ELOVL6: variants seen among roughly 807,000 people sequenced by gnomAD.
The protein encoded by ELOVL6 is very long chain fatty acid elongase 6.
Under a neutral mutation model 31.7 loss-of-function variants are expected in ELOVL6, and 8 were observed. The observed-to-expected ratio is 0.25, with a 90% CI of 0.15 to 0.45. The LOEUF (loss-of-function observed/expected upper bound fraction) is 0.45. Among genes scored for constraint, ELOVL6 ranks in the 20% least tolerant of loss-of-function variants. The pLI is 1.00. For missense variants in ELOVL6, 126 were observed against 326.4 expected, an observed-to-expected ratio of 0.39 and a Z score of 4.73; for synonymous variants, 101 against 117.7, an observed-to-expected ratio of 0.86 and a Z score of 0.92.
At chr4:110,170,127 T>A (rs184187340) in intron 1 of ELOVL6, among the ~76,000 whole-genome samples, 8 of 152,264 alleles carry the variant, frequency 5.3e-5, no homozygotes, top group Non-Finnish European at 8.8e-5. Context: ...TATTTTGTTT[T>A]CTATATTTAT....
chr4:110,135,708 G>C (rs1348313721), intron 1 of ELOVL6, among the ~76,000 whole-genome samples: 1 of 152,144 alleles, frequency 6.6e-6, no homozygotes, highest in Non-Finnish European at 1.5e-5. Context: ...CCACAATTAA[G>C]GCTGCCTAGG....
intron 1 of ELOVL6, among the ~76,000 whole-genome samples, chr4:110,128,334 T>C (rs72679235): frequency 0.086 from 13,113 of 152,256 alleles, 745 homozygotes; most frequent in Middle Eastern, 0.12. Flanking sequence ...ATGAGGACTC[T>C]TATAGGCCAT....
At chr4:110,108,522 C>T (rs1010912769) in intron 1 of ELOVL6, among the ~76,000 whole-genome samples, 1 of 152,192 alleles carries the variant, frequency 6.6e-6, no homozygotes, top group Non-Finnish European at 1.5e-5. Context: ...AGCAATTCAA[C>T]AGCTAAGGCA....
intron 1 of ELOVL6, among the ~76,000 whole-genome samples, chr4:110,118,492 A>G (rs1250935700): frequency 6.6e-6 from 1 of 152,246 alleles, no homozygotes; most frequent in Non-Finnish European, 1.5e-5. Context: ...TAGATTTCAC[A>G]TATAAATGAA....
intron 1 of ELOVL6, among the ~76,000 whole-genome samples, chr4:110,169,224 T>C (rs1410319317): frequency 1.4e-5 from 2 of 144,264 alleles, no homozygotes; most frequent in East Asian, 4.3e-4. Flanking sequence ...CCCAACAGAG[T>C]TTTGGGGTTT....
At chr4:110,100,082 C>T (rs906787036) in intron 2 of ELOVL6, among the ~76,000 whole-genome samples, 1 of 152,102 alleles carries the variant, frequency 6.6e-6, no homozygotes, top group Non-Finnish European at 1.5e-5. Flanking sequence ...TACAGAAATG[C>T]CTGTCCTTGG....
intron 1 of ELOVL6, among the ~76,000 whole-genome samples, chr4:110,180,007 G>C (rs139276871): frequency 6.6e-6 from 1 of 152,190 alleles, no homozygotes; most frequent in Non-Finnish European, 1.5e-5. Context: ...ATGCTCTGTG[G>C]GGAAGAAATA....
chr4:110,190,658 C>T (rs1017712789), intron 1 of ELOVL6, among the ~76,000 whole-genome samples: 5 of 152,040 alleles, frequency 3.3e-5, no homozygotes, highest in African/African-American at 4.8e-5. Flanking sequence ...GCGCCCGCCA[C>T]CACGCCCGGC....
At chr4:110,180,308 T>C (rs1016414245) in intron 1 of ELOVL6, among the ~76,000 whole-genome samples, 1 of 152,220 alleles carries the variant, frequency 6.6e-6, no homozygotes, top group African/African-American at 2.4e-5. Context: ...AACTAAAGTT[T>C]AGAATTAACA....
intron 1 of ELOVL6, among the ~76,000 whole-genome samples, chr4:110,122,260 A>G (rs1325012756): frequency 6.6e-6 from 1 of 152,224 alleles, no homozygotes. Context: ...AATCTTCACT[A>G]TTAGCCAACT....
intron 1 of ELOVL6, among the ~76,000 whole-genome samples, chr4:110,112,627 C>T (rs535687982): frequency 3.3e-5 from 5 of 152,072 alleles, no homozygotes; most frequent in Admixed American, 6.5e-5. Context: ...AATCCCAACA[C>T]TTCGGGAGGC....
intron 1 of ELOVL6, among the ~76,000 whole-genome samples, chr4:110,165,653 C>G (rs1758754794): frequency 6.6e-6 from 1 of 152,214 alleles, no homozygotes; most frequent in Admixed American, 6.5e-5. Context: ...CTAATCTCAT[C>G]TGAATCACAC....
chr4:110,084,452 A>C (rs1191392153), intron 2 of ELOVL6, among the ~76,000 whole-genome samples: 1 of 128,668 alleles, frequency 7.8e-6, no homozygotes, highest in African/African-American at 3.1e-5. Flanking sequence ...TATATCGCAT[A>C]TATCATATAT....
chr4:110,083,345 T>C (rs1755940611), intron 2 of ELOVL6, among the ~76,000 whole-genome samples: 1 of 151,666 alleles, frequency 6.6e-6, no homozygotes, highest in East Asian at 1.9e-4. Flanking sequence ...ATCTGATAAC[T>C]GATCAATGAA....
intron 1 of ELOVL6, among the ~76,000 whole-genome samples, chr4:110,178,632 C>A (rs1331084925): frequency 6.6e-6 from 1 of 151,776 alleles, no homozygotes; most frequent in African/African-American, 2.4e-5. Flanking sequence ...CAAGTCAGGA[C>A]TGCTTAAGCT....
At chr4:110,057,746 A>G (rs1578443223) in intron 3 of ELOVL6, among the ~76,000 whole-genome samples, 1 of 151,320 alleles carries the variant, frequency 6.6e-6, no homozygotes. Flanking sequence ...AGCTACTCGG[A>G]AGGCTGAGGC....
intron 2 of ELOVL6, among the ~76,000 whole-genome samples, chr4:110,077,037 GA>G (rs1440095154): frequency 1.1e-4 from 16 of 152,226 alleles, no homozygotes; most frequent in African/African-American, 3.4e-4. Context: ...GAGGCTGGGA[GA>G]GGGGCGCCTG....
At chr4:110,137,246 T>C (rs1757836972) in intron 1 of ELOVL6, among the ~76,000 whole-genome samples, 1 of 152,214 alleles carries the variant, frequency 6.6e-6, no homozygotes, top group Admixed American at 6.5e-5. Flanking sequence ...GAGCCTGGAT[T>C]AAATCTAGCC....
chr4:110,064,797 AAT>A (rs1478324925), intron 2 of ELOVL6, among the ~76,000 whole-genome samples: 2 of 152,134 alleles, frequency 1.3e-5, no homozygotes, highest in African/African-American at 4.8e-5. Context: ...CTCGATTGAT[AAT>A]GTTTAAAAAT....
Sources: allele counts gnomAD v4.1 joint callset (sites outside exome capture counted in the v4.1 genomes callset), GRCh38; gene constraint gnomAD v4.1.1; transcripts MANE v1.5; gene names NCBI Gene and HGNC (gene_info 2026-07-23, HGNC 2026-07-21).